HS3ST2: variants seen among roughly 807,000 people sequenced by gnomAD.
HS3ST2 encodes heparan sulfate-glucosamine 3-sulfotransferase 2, also known as heparan sulfate glucosamine 3-O-sulfotransferase 2.
Under a neutral mutation model 26.3 loss-of-function variants are expected in HS3ST2, and 17 were observed. The ratio of observed to expected loss-of-function variants is 0.65; its 90% CI spans 0.44 to 0.97. The LOEUF is 0.97. Among genes scored for constraint, HS3ST2 ranks in the 50% least tolerant of loss-of-function variants. The pLI is 0.00. For missense variants in HS3ST2, 402 were observed against 501.2 expected (o/e 0.80, Z 1.89); for synonymous variants, 237 against 219.2 (o/e 1.08, Z -0.72).
intron 1 of HS3ST2, among the ~76,000 whole-genome samples, chr16:22,905,275 C>G (rs1174296219): frequency 6.6e-6 from 1 of 152,214 alleles, no homozygotes; most frequent in East Asian, 1.9e-4. Flanking sequence ...TTCCCACTTG[C>G]TTGCATGTGC....
At chr16:22,825,762 A>C (rs12931746) in intron 1 of HS3ST2, among the ~76,000 whole-genome samples, 19,544 of 152,260 alleles carry the variant, frequency 0.13, 1,333 homozygotes, top group Middle Eastern at 0.18. Flanking sequence ...GGGGGCTCAC[A>C]CCTGTAATCC....
At chr16:22,896,789 CT>C (rs1332832632) in intron 1 of HS3ST2, among the ~76,000 whole-genome samples, 2 of 151,802 alleles carry the variant, frequency 1.3e-5, no homozygotes, top group African/African-American at 2.4e-5. Context: ...TGTTTTCTTT[CT>C]TTTCTCTTCT....
At chr16:22,820,983 T>C (rs1172376708) in intron 1 of HS3ST2, among the ~76,000 whole-genome samples, 1 of 152,210 alleles carries the variant, frequency 6.6e-6, no homozygotes. Flanking sequence ...CTGGGAGACC[T>C]GGCTTCCCCA....
chr16:22,847,907 C>A (rs1901464070), intron 1 of HS3ST2, among the ~76,000 whole-genome samples: 3 of 143,972 alleles, frequency 2.1e-5, no homozygotes, highest in East Asian at 2.0e-4. Flanking sequence ...AAAGACAAAG[C>A]AAGAAGGAAG....
chr16:22,887,783 C>CG (rs1374550139), intron 1 of HS3ST2, among the ~76,000 whole-genome samples: 6 of 86,798 alleles, frequency 6.9e-5, no homozygotes, highest in East Asian at 1.5e-3. Context: ...CCCATCTCTA[C>CG]GGGAAAAAAA....
chr16:22,861,241 C>A (rs1901670320), intron 1 of HS3ST2, among the ~76,000 whole-genome samples: 1 of 151,890 alleles, frequency 6.6e-6, no homozygotes, highest in South Asian at 2.1e-4. Context: ...TCTTTTCTGG[C>A]CTCTAGAACC....
At chr16:22,827,334 T>C (rs182761206) in intron 1 of HS3ST2, among the ~76,000 whole-genome samples, 217 of 152,290 alleles carry the variant, frequency 1.4e-3, no homozygotes, top group Non-Finnish European at 2.0e-3. Context: ...TTTTGCCTTC[T>C]ACTCTGAGCA....
At chr16:22,858,345 T>A (rs72770547) in intron 1 of HS3ST2, among the ~76,000 whole-genome samples, 5,861 of 150,464 alleles carry the variant, frequency 0.039, 132 homozygotes, top group Middle Eastern at 0.058. Flanking sequence ...AAATTTTTTT[T>A]AAAAAATTTT....
chr16:22,869,374 A>G (rs1241330617), intron 1 of HS3ST2, among the ~76,000 whole-genome samples: 2 of 152,238 alleles, frequency 1.3e-5, no homozygotes, highest in Non-Finnish European at 2.9e-5. Flanking sequence ...CTAATTACTT[A>G]GCTGGCCCAA....
chr16:22,914,822 G>A (rs1902471440), intron 1 of HS3ST2, 122 bp from the exon 2 acceptor site: 1 of 796,520 alleles, frequency 1.3e-6, no homozygotes, highest in Non-Finnish European at 1.9e-6. Flanking sequence ...TGAAAGCTTT[G>A]AGTGGAACAG....
rs753391456 is a variant in HS3ST2 at position 22,914,928 on chromosome 16, C to A, written c.486-16C>A. ...AGGGAAACCTATTTGATGATGTATT[C>A]CTTCTGCCCACACAGGAGCCTGATG... On this transcript the variant is annotated splice_polypyrimidine_tract_variant and intron_variant, in intron 1 of 1. Transcript: ENST00000261374. The A allele has an allele frequency of 6.3e-7, 1 of 1,598,062 alleles. No homozygotes were observed. The highest frequency in any genetic ancestry group is 8.5e-7 in the Non-Finnish European group (1 of 1,175,176).
intron 1 of HS3ST2, among the ~76,000 whole-genome samples, chr16:22,875,400 A>T (rs1771669653): frequency 6.7e-6 from 1 of 150,004 alleles, no homozygotes; most frequent in East Asian, 2.0e-4. Flanking sequence ...ATTTATTTAG[A>T]GATAGAGTCT....
chr16:22,841,798 A>G (rs1901361650), intron 1 of HS3ST2, among the ~76,000 whole-genome samples: 2 of 152,112 alleles, frequency 1.3e-5, no homozygotes, highest in Non-Finnish European at 2.9e-5. Flanking sequence ...TTTTTTTCAT[A>G]GGTGAATTCT....
intron 1 of HS3ST2, among the ~76,000 whole-genome samples, chr16:22,893,226 T>A (rs530690300): frequency 6.6e-6 from 1 of 152,316 alleles, no homozygotes; most frequent in East Asian, 1.9e-4. Flanking sequence ...CAAATTATAA[T>A]AAGGTTAAAA....
At chr16:22,840,539 C>T (rs568391732) in intron 1 of HS3ST2, among the ~76,000 whole-genome samples, 44 of 152,138 alleles carry the variant, frequency 2.9e-4, no homozygotes, top group African/African-American at 9.2e-4. Flanking sequence ...TGTGCCACCA[C>T]GCCTGGCTAA....
chr16:22,913,328 T>A (rs1186343290), intron 1 of HS3ST2, among the ~76,000 whole-genome samples: 1 of 151,998 alleles, frequency 6.6e-6, no homozygotes, highest in African/African-American at 2.4e-5. Context: ...CTGAATGAGA[T>A]GCTCCTGGGA....
At chr16:22,858,615 A>G (rs1442299765) in intron 1 of HS3ST2, among the ~76,000 whole-genome samples, 1 of 151,998 alleles carries the variant, frequency 6.6e-6, no homozygotes, top group Non-Finnish European at 1.5e-5. Flanking sequence ...GGAAGTAGTC[A>G]TTTTTATAAG....
At chr16:22,861,990 A>G (rs1047528011) in intron 1 of HS3ST2, among the ~76,000 whole-genome samples, 1 of 152,202 alleles carries the variant, frequency 6.6e-6, no homozygotes, top group African/African-American at 2.4e-5. Context: ...TATGTTTTTC[A>G]TAAAGAAAAG....
intron 1 of HS3ST2, among the ~76,000 whole-genome samples, chr16:22,826,840 C>G (rs1159169082): frequency 6.6e-6 from 1 of 152,126 alleles, no homozygotes; most frequent in Non-Finnish European, 1.5e-5. Flanking sequence ...GTGTCAGCCA[C>G]ATAGTCACTG....
Sources: allele counts gnomAD v4.1 joint callset (sites outside exome capture counted in the v4.1 genomes callset), GRCh38; gene constraint gnomAD v4.1.1; transcripts MANE v1.5; gene names NCBI Gene and HGNC (gene_info 2026-07-23, HGNC 2026-07-21).